Variants in FUT8 observed in about 807,000 individuals in gnomAD.
FUT8 encodes fucosyltransferase 8.
FUT8 carries 29 observed loss-of-function variants against 71.3 expected under a neutral mutation model. That is an observed-to-expected ratio of 0.41 (90% CI 0.30 to 0.55). The LOEUF (loss-of-function observed/expected upper bound fraction) is 0.55. Ranked by LOEUF, FUT8 falls within the 20% of genes least tolerant of loss-of-function variation. The pLI is 0.34. For missense variants in FUT8, 544 were observed against 702.1 expected (o/e 0.77, Z 2.55); for synonymous variants, 254 against 239.3 (o/e 1.06, Z -0.57).
At chr14:65,634,159 G>A (rs1249396146) in intron 6 of FUT8, among the ~76,000 whole-genome samples, 1 of 151,994 alleles carries the variant, frequency 6.6e-6, no homozygotes, top group Admixed American at 6.5e-5. Context: ...AAATCGGATG[G>A]TTGCCGTGTC....
At chr14:65,734,674 T>C (rs1896132816) in intron 10 of FUT8, among the ~76,000 whole-genome samples, 1 of 152,160 alleles carries the variant, frequency 6.6e-6, no homozygotes, top group African/African-American at 2.4e-5. Context: ...TTTGAGAGTC[T>C]GACTATGCAT....
At chr14:65,514,888 G>A (rs1040756297) in intron 2 of FUT8, among the ~76,000 whole-genome samples, 3 of 152,128 alleles carry the variant, frequency 2.0e-5, no homozygotes, top group Non-Finnish European at 4.4e-5. Flanking sequence ...AATTGATGGT[G>A]AGAATTAAAT....
chr14:65,489,330 C>G lies in FUT8; in HGVS notation c.-228+33612C>G, dbSNP rs1417785402. Among the ~76,000 whole-genome samples, 2 of 152,130 alleles carry G rather than the reference C, an allele frequency of 1.3e-5. No homozygotes were observed. Among genetic ancestry groups the G allele is most frequent in the East Asian group, 1.9e-4 (1 of 5,198 alleles). ...CAAGTGTTCAGTATCCTAGCTTTCT[C>G]TAATTTTCTGGGACGTATCTCTTTT... On this transcript the variant is annotated intron_variant, in intron 2 of 10. Transcript: ENST00000673929. The surrounding 1 kb of genome is among the most constrained non-coding windows in gnomAD (Gnocchi z 4.0).
intron 1 of FUT8, among the ~76,000 whole-genome samples, chr14:65,451,155 C>T (rs2065817952): frequency 6.6e-6 from 1 of 152,226 alleles, no homozygotes; most frequent in Non-Finnish European, 1.5e-5. Context: ...TGCGCCTTGC[C>T]CCAGCCCACC....
At chr14:65,457,799 C>T (rs1004296940) in intron 2 of FUT8, 2 of 152,176 alleles carry the variant, frequency 1.3e-5, no homozygotes, top group African/African-American at 4.8e-5. Flanking sequence ...TTTTTAACTA[C>T]TAGGTTTAGG....
In FUT8 at chr14:65,669,084, C is replaced by A. The variant is rs377545054; in HGVS notation, c.598-159C>A. On this transcript the variant is annotated intron_variant, in intron 6 of 10. Transcript: ENST00000673929. This position sits in a 1 kb window ranked among gnomAD's most constrained non-coding sequence, Gnocchi z 4.5. ...AAAAAGCTGCATATCACTTACTATG[C>A]TGATTACTTGGGGTGTATACCAAAC... 1.3e-4 allele frequency among the ~76,000 whole-genome samples: 19 copies of A among 151,902 alleles called. 3 individuals carry two copies. Among genetic ancestry groups the A allele is most frequent in the African/African-American group, 4.3e-4 (18 of 41,410 alleles).
chr14:65,526,518 T>C lies in FUT8; in HGVS notation c.-227-34819T>C, dbSNP rs1189250492. On this transcript the variant is annotated intron_variant, in intron 2 of 10. Coordinates refer to ENST00000673929, the MANE Select transcript of FUT8 (RefSeq NM_001371533.1). The stretch of plus-strand genomic sequence containing the variant: ...TGATGGGTCTTGACTCTTTATCCAA[T>C]TTACCAGTCTGTGTCTTTTAATTGG... 3.9e-4 allele frequency among the ~76,000 whole-genome samples: 60 copies of C among 152,200 alleles called. 1 individual carries two copies. Among genetic ancestry groups the C allele is most frequent in the Non-Finnish European group, 5.6e-4 (38 of 68,020 alleles).
chr14:65,614,178 A>C (rs544084101), intron 3 of FUT8, among the ~76,000 whole-genome samples: 1 of 152,120 alleles, frequency 6.6e-6, no homozygotes, highest in East Asian at 1.9e-4. Flanking sequence ...TTTAAAACTT[A>C]AGTTCCCTTA....
At chr14:65,730,649 G>A (rs973768170) in intron 9 of FUT8, among the ~76,000 whole-genome samples, 3 of 152,082 alleles carry the variant, frequency 2.0e-5, no homozygotes, top group Non-Finnish European at 4.4e-5. Flanking sequence ...TCCAGCCTGG[G>A]CGACAGAGCG....
chr14:65,430,562 A>G (rs1007057370), intron 1 of FUT8, among the ~76,000 whole-genome samples: 2 of 152,208 alleles, frequency 1.3e-5, no homozygotes, highest in African/African-American at 4.8e-5. Flanking sequence ...GTCAGAAGAT[A>G]TAGCCATTTC....
At chr14:65,548,028 A>T (rs1326059307) in intron 2 of FUT8, among the ~76,000 whole-genome samples, 1 of 151,866 alleles carries the variant, frequency 6.6e-6, no homozygotes, top group Non-Finnish European at 1.5e-5. Flanking sequence ...TGTTTTTATG[A>T]CTTTAATAGT....
At chr14:65,631,279 T>C (rs1890167281) in intron 6 of FUT8, among the ~76,000 whole-genome samples, 1 of 152,234 alleles carries the variant, frequency 6.6e-6, no homozygotes, top group Admixed American at 6.5e-5. Context: ...CGTTAAATTT[T>C]CACCAACTAT....
chr14:65,405,919 G>A (rs931209680), upstream of FUT8, among the ~76,000 whole-genome samples: 6 of 152,182 alleles, frequency 3.9e-5, no homozygotes, highest in Non-Finnish European at 7.3e-5. Flanking sequence ...CTTGGGTCAG[G>A]TGTCCCCCTC....
rs1410905337 is a variant in FUT8, at chr14:65,448,175, C to T, written c.-325-7446C>T. ...ATGGTTATGAACTATAGATTGGGAG[C>T]TGGAAGTGGAGCTGGTACTAGAAAC... is the stretch of plus-strand genomic sequence containing the variant. On this transcript the variant is annotated intron_variant, in intron 1 of 10. Transcript: ENST00000673929. Among the ~76,000 whole-genome samples the T allele has an allele frequency of 2.6e-5, 4 of 152,038 alleles. No individual in the cohort carries two copies. The East Asian group carries it at 5.8e-4, about 22-fold the overall frequency.
chr14:65,568,513 T>C (rs1021575470), intron 3 of FUT8, among the ~76,000 whole-genome samples: 3 of 151,674 alleles, frequency 2.0e-5, no homozygotes, highest in Non-Finnish European at 4.4e-5. Context: ...AAAATTTGTA[T>C]TGTGATTTTT....
At chr14:65,452,907 T>C (rs1011114057) in intron 1 of FUT8, among the ~76,000 whole-genome samples, 1 of 152,228 alleles carries the variant, frequency 6.6e-6, no homozygotes, top group Non-Finnish European at 1.5e-5. Context: ...TTCTGGCTTT[T>C]AGTACATATG....
intron 2 of FUT8, among the ~76,000 whole-genome samples, chr14:65,548,707 G>T (rs1885114276): frequency 6.6e-6 from 1 of 151,906 alleles, no homozygotes; most frequent in African/African-American, 2.4e-5. Context: ...GTCTATAAAA[G>T]AAAAGAAGTC....
chr14:65,686,132 C>T, intron 7 of FUT8, among the ~76,000 whole-genome samples: 1 of 152,138 alleles, frequency 6.6e-6, no homozygotes, highest in East Asian at 1.9e-4. Flanking sequence ...GAGCAGTCTA[C>T]CTACCATGTG....
At chr14:65,414,680 A>G (rs773001411) in intron 1 of FUT8, among the ~76,000 whole-genome samples, 5 of 152,252 alleles carry the variant, frequency 3.3e-5, no homozygotes, top group African/African-American at 7.2e-5. Flanking sequence ...TGAATAGGCT[A>G]TAAGACACGT....
Sources: gnomAD v4.1 joint callset for allele counts (sites outside exome capture counted in the v4.1 genomes callset) on GRCh38, gnomAD v4.1.1 for gene constraint, Gnocchi (gnomAD v3.1) non-coding constraint, MANE v1.5 for transcripts, NCBI Gene and HGNC (gene_info 2026-07-23, HGNC 2026-07-21) for gene names.